Variants in KAZN observed in about 807,000 individuals in gnomAD.
KAZN encodes the protein kazrin, periplakin interacting protein.
A neutral mutation model predicts 87.4 loss-of-function variants in KAZN; 40 were observed. That is an observed-to-expected ratio of 0.46 (90% CI 0.36 to 0.60). The LOEUF is 0.60. Among genes scored for constraint, KAZN ranks in the 20% least tolerant of loss-of-function variants. KAZN has a pLI of 0.00. For synonymous variants in KAZN, 466 were observed against 458.3 expected (o/e 1.02, Z -0.22); for missense variants, 898 against 1,073.9 (o/e 0.84, Z 2.29).
chr1:14,916,841 G>C (rs1032134993), intron 1 of KAZN, among the ~76,000 whole-genome samples: 3 of 151,930 alleles, frequency 2.0e-5, no homozygotes, highest in Admixed American at 6.6e-5. Flanking sequence ...TTGAGCCCAG[G>C]AGTTTGAGGC....
chr1:14,734,308 CTTTTTTTT>C (rs57677032), intron 1 of KAZN, among the ~76,000 whole-genome samples: 4 of 118,120 alleles, frequency 3.4e-5, no homozygotes, highest in African/African-American at 1.3e-4. Context: ...TTTTTCTTTT[CTTTTTTTT>C]TTTTTTTTTT....
At chr1:14,862,365 C>A (rs573653809) in intron 1 of KAZN, among the ~76,000 whole-genome samples, 1 of 152,080 alleles carries the variant, frequency 6.6e-6, no homozygotes, top group African/African-American at 2.4e-5. Context: ...AGAAGAGGAA[C>A]CTGGCTTTCT....
intron 1 of KAZN, among the ~76,000 whole-genome samples, chr1:14,005,629 C>T (rs998884873): frequency 2.0e-5 from 3 of 152,178 alleles, no homozygotes; most frequent in Admixed American, 6.5e-5. Context: ...TTTGAACTGA[C>T]TCTTTTAGAT....
intron 1 of KAZN, among the ~76,000 whole-genome samples, chr1:14,895,424 G>T (rs1655159988): frequency 6.6e-6 from 1 of 152,188 alleles, no homozygotes; most frequent in Admixed American, 6.5e-5. Flanking sequence ...AGATCAGCAG[G>T]CCCTCTCATT....
chr1:14,001,376 A>G (rs1639785591), intron 1 of KAZN, among the ~76,000 whole-genome samples: 1 of 152,152 alleles, frequency 6.6e-6, no homozygotes, highest in Non-Finnish European at 1.5e-5. Context: ...ATAAAAAAAC[A>G]TTTCATCCTC....
chr1:14,720,419 T>TGCCCCAAGTCTGA lies in KAZN; in HGVS notation c.226+121196_226+121197insGCCCCAAGTCTGA, dbSNP rs1643032262. Among the ~76,000 whole-genome samples the TGCCCCAAGTCTGA allele has an allele frequency of 2.0e-5, 3 of 152,158 alleles. 1 individual carries two copies. Among genetic ancestry groups the TGCCCCAAGTCTGA allele is most frequent in the Non-Finnish European group, 1.5e-5 (1 of 68,030 alleles). On this transcript the variant is annotated intron_variant, in intron 1 of 14. Coordinates refer to ENST00000376030, the MANE Select transcript of KAZN (RefSeq NM_201628.3). ...CCGTGAGTCTGATTCCTTTCTGTGTTTTTCGTTCTTGCCCCAAAAGGTTCT... is the reference window on the plus strand; with the variant it reads ...CCGTGAGTCTGATTCCTTTCTGTGTTGCCCCAAGTCTGATTTCGTTCTTGCCCCAAAAGGTTCT...
intron 2 of KAZN, among the ~76,000 whole-genome samples, chr1:14,394,801 G>C (rs1033394329): frequency 6.6e-6 from 1 of 152,170 alleles, no homozygotes; most frequent in Non-Finnish European, 1.5e-5. Flanking sequence ...CTGTGAGGTG[G>C]GTAGGAAGTG....
intron 1 of KAZN, among the ~76,000 whole-genome samples, chr1:14,677,611 C>T (rs1640304299): frequency 2.0e-5 from 3 of 152,080 alleles, no homozygotes; most frequent in Admixed American, 6.6e-5. Context: ...GAAGACCATC[C>T]CAGGGTTCCT....
chr1:14,454,690 A>G (rs1294855504), intron 2 of KAZN, among the ~76,000 whole-genome samples: 1 of 152,216 alleles, frequency 6.6e-6, no homozygotes, highest in Non-Finnish European at 1.5e-5. Context: ...TGAGGATAGC[A>G]GTGGTACTCA....
At chr1:14,295,486 A>G (rs1235162680) in intron 2 of KAZN, among the ~76,000 whole-genome samples, 3 of 152,182 alleles carry the variant, frequency 2.0e-5, no homozygotes, top group Non-Finnish European at 4.4e-5. Context: ...CCACACATGC[A>G]GAAAGTGGGA....
chr1:15,094,952 G>A lies in KAZN; in HGVS notation c.1547+19G>A, dbSNP rs576329299. 17 of 1,526,504 alleles carry A rather than the reference G, an allele frequency of 1.1e-5. No individual in the cohort carries two copies. The highest frequency in any genetic ancestry group is 6.9e-5 in the African/African-American group (5 of 72,668). The allele number at this position is 1,526,504 out of a possible 1,614,324, so 94.6% of individuals were successfully genotyped here. A position where few individuals can be genotyped will look rare whatever the true frequency, so the allele number is the denominator to read the frequency against. On this transcript the variant is annotated intron_variant, in intron 10 of 14. Coordinates refer to ENST00000376030, the MANE Select transcript of KAZN (RefSeq NM_201628.3). The surrounding 1 kb of genome is among the most constrained non-coding windows in gnomAD (Gnocchi z 4.5). ...GCCGCAGGTGAGCCCACCACGAGGG[G>A]CCCCGGGGGAGGAGAGAAAAAGTCA...
At chr1:15,052,345 G>T (rs914528084) in intron 4 of KAZN, among the ~76,000 whole-genome samples, 1 of 152,138 alleles carries the variant, frequency 6.6e-6, no homozygotes, top group African/African-American at 2.4e-5. Context: ...AGCATGTGCA[G>T]GGGAACTGCC....
rs190957752 is a variant in KAZN, at chr1:14,881,994, A to G, written c.227-78690A>G. 5.1e-4 allele frequency among the ~76,000 whole-genome samples: 78 copies of G among 151,960 alleles called. 2 individuals are homozygous for G. The highest frequency in any genetic ancestry group is 4.7e-3 in the Admixed American group (71 of 15,258). Reference sequence around the variant, plus strand: ...ACTCTAAGCTGCCTCTGAAGCTGGTACTCTGTAAATACCTGTTGAGTCCTT... The same window carrying G: ...ACTCTAAGCTGCCTCTGAAGCTGGTGCTCTGTAAATACCTGTTGAGTCCTT... On this transcript the variant is annotated intron_variant, in intron 1 of 14. Transcript: ENST00000376030.
rs557697897 is a variant in KAZN, at chr1:14,035,692, C to T, written c.91+141936C>T. 3.3e-5 allele frequency among the ~76,000 whole-genome samples: 5 copies of T among 149,480 alleles called. 1 individual carries two copies. The East Asian group carries it at 7.9e-4, about 24-fold the overall frequency. On this transcript the variant is annotated intron_variant, in intron 1 of 16. Transcript: ENST00000636203. ...GGTTTCCCATGTTGCTCAGGCTGGT[C>T]TTGAATTCCTGACCTCAGGTGATCT...
intron 1 of KAZN, among the ~76,000 whole-genome samples, chr1:14,859,272 A>C (rs1486666025): frequency 2.0e-5 from 3 of 151,654 alleles, no homozygotes; most frequent in Non-Finnish European, 4.4e-5. Context: ...TGTAGCAAGC[A>C]CGTTTCAGGT....
At chr1:15,032,484 G>A (rs958654829) in intron 2 of KAZN, among the ~76,000 whole-genome samples, 7 of 151,936 alleles carry the variant, frequency 4.6e-5, no homozygotes, top group South Asian at 2.1e-4. Flanking sequence ...GAGCCACCGC[G>A]CCCAGCTGTG....
intron 1 of KAZN, among the ~76,000 whole-genome samples, chr1:14,895,394 G>C (rs981266656): frequency 1.3e-5 from 2 of 152,198 alleles, no homozygotes; most frequent in Admixed American, 6.5e-5. Context: ...AGCTGTCGCA[G>C]CCTAATTAGC....
chr1:15,046,244 G>A (rs1396250657), intron 4 of KAZN, among the ~76,000 whole-genome samples: 3 of 148,732 alleles, frequency 2.0e-5, no homozygotes, highest in Admixed American at 1.3e-4. Context: ...GTTGCAGTGA[G>A]CCAAGGTCAA....
At position 15,021,356 on chromosome 1, in the gene KAZN, C is replaced by T. The variant is rs916257638; in HGVS notation, c.419-13393C>T. Among the ~76,000 whole-genome samples the T allele has an allele frequency of 3.9e-5, 6 of 152,178 alleles. No homozygotes were observed. Among genetic ancestry groups the T allele is most frequent in the Non-Finnish European group, 8.8e-5 (6 of 68,026 alleles). ...TCCAGAAATCTCCATTTCCCCCTCC[C>T]GCTTCAACCTAGGGAATGTCCGTGT... On this transcript the variant is annotated intron_variant, in intron 2 of 14. Transcript: ENST00000376030. The surrounding 1 kb of genome is among the most constrained non-coding windows in gnomAD (Gnocchi z 4.2).
Sources: gnomAD v4.1 joint callset for allele counts (sites outside exome capture counted in the v4.1 genomes callset) on GRCh38, gnomAD v4.1.1 for gene constraint, Gnocchi (gnomAD v3.1) non-coding constraint, MANE v1.5 for transcripts, NCBI Gene and HGNC (gene_info 2026-07-23, HGNC 2026-07-21) for gene names.